The following ZNF185 variants were observed in gnomAD, a reference collection of about 807,000 sequenced individuals.
ZNF185 encodes the protein zinc finger protein 185 with LIM domain.
In ZNF185, 56 loss-of-function variants were observed where a neutral mutation model predicts 58.6. That is an observed-to-expected ratio of 0.95 (90% CI 0.77 to 1.19). The LOEUF (loss-of-function observed/expected upper bound fraction) is 1.19. Ranked by LOEUF, ZNF185 falls within the 50% of genes most tolerant of loss-of-function variation. The probability of loss-of-function intolerance (pLI) is 0.00; values close to 1 mark genes in which losing one functional copy is unlikely to be tolerated. For synonymous variants in ZNF185, 230 were observed against 215.9 expected, an observed-to-expected ratio of 1.07 and a Z score of -0.57; for missense variants, 627 against 573.5, an observed-to-expected ratio of 1.09 and a Z score of -0.95.
chrX:152,949,900 C>T (rs1171961223), intron 16 of ZNF185, among the ~76,000 whole-genome samples: 2 of 111,766 alleles, frequency 1.8e-5, no homozygotes, highest in African/African-American at 6.5e-5. Context: ...AGGGAGAGTA[C>T]GTATGACCCA....
At chrX:152,904,861 C>T in the ZNF185 span, among the ~76,000 whole-genome samples, 1 of 112,171 alleles carries the variant, frequency 8.9e-6, no homozygotes, top group Admixed American at 9.4e-5. Flanking sequence ...GCACTGAAGC[C>T]TACACCTTCC....
chrX:152,955,727 C>T (rs2048750394), intron 16 of ZNF185, among the ~76,000 whole-genome samples: 1 of 111,263 alleles, frequency 9.0e-6, no homozygotes, highest in African/African-American at 3.3e-5. Flanking sequence ...CATGGTGAAA[C>T]CCTGTCTCTA....
intron 20 of ZNF185, 35 bp from the exon 23 acceptor site, chrX:152,969,347 G>A (rs1556917014): frequency 8.8e-7 from 1 of 1,140,700 alleles, no homozygotes; most frequent in South Asian, 1.9e-5. Context: ...CTGTACACCA[G>A]CCTGACCACC....
At chrX:152,955,874 C>T (rs1486997376) in intron 16 of ZNF185, among the ~76,000 whole-genome samples, 3 of 109,029 alleles carry the variant, frequency 2.8e-5, no homozygotes, top group African/African-American at 1.0e-4. Context: ...TGCACTCCAG[C>T]CTGGTGACAG....
intron 14 of ZNF185, among the ~76,000 whole-genome samples, chrX:152,937,585 C>G (rs1244109287): frequency 8.9e-6 from 1 of 111,839 alleles, no homozygotes; most frequent in Non-Finnish European, 1.9e-5. Context: ...TGAGCCAAGC[C>G]CCAAGAGACA....
At chrX:152,907,185 C>T in the ZNF185 span, among the ~76,000 whole-genome samples, 220 of 112,103 alleles carry the variant, frequency 2.0e-3, 1 homozygote, top group Middle Eastern at 4.6e-3. Context: ...CATCTCCTCA[C>T]GCTCCAGCAC....
intron 21 of ZNF185, among the ~76,000 whole-genome samples, chrX:152,970,069 T>C (rs1022050698): frequency 4.5e-5 from 5 of 111,140 alleles, no homozygotes; most frequent in African/African-American, 1.6e-4. Flanking sequence ...CTTTGCTTGC[T>C]CCTGGTTAAG....
At chrX:152,938,201 G>A in intron 15 of ZNF185, 38 bp downstream of exon 17, 6 of 1,138,560 alleles carry the variant, frequency 5.3e-6, no homozygotes, top group Non-Finnish European at 7.1e-6. Context: ...TTCTGGGGTG[G>A]AGAGAGGCAG....
In ZNF185 at chrX:152,924,601, A is replaced by G. The variant is rs553171609; in HGVS notation, c.830+1792A>G. On this transcript the variant is annotated intron_variant, in intron 11 of 22. Transcript: ENST00000449285. The stretch of plus-strand genomic sequence containing the variant: ...GTGGCACAAGTCAGCCCATAACAGT[A>G]TACAGTTCTCATTTCTCCTTATTTC... Among the ~76,000 whole-genome samples the G allele has an allele frequency of 1.7e-4, 19 of 112,335 alleles. No homozygotes were observed. The South Asian group carries it at 6.7e-3, about 39-fold the overall frequency.
chrX:152,902,291 C>T, the ZNF185 span, among the ~76,000 whole-genome samples: 7 of 112,321 alleles, frequency 6.2e-5, no homozygotes, highest in African/African-American at 1.3e-4. Flanking sequence ...AGGCCCAGCT[C>T]GGGCACCCAG....
chrX:152,936,876 G>T (rs1386125816), intron 14 of ZNF185, among the ~76,000 whole-genome samples: 2 of 110,419 alleles, frequency 1.8e-5, no homozygotes, highest in Non-Finnish European at 3.8e-5. Context: ...AGGAGTCAGG[G>T]AGAAGATTCC....
At chrX:152,914,626 C>A in intron 1 of ZNF185, 84 bp from the exon 3 acceptor site, 1 of 1,164,985 alleles carries the variant, frequency 8.6e-7, no homozygotes, top group Non-Finnish European at 1.1e-6. Context: ...AAAGGGAGAG[C>A]AGCATACTGG....
In ZNF185 at chrX:152,945,445, C is replaced by T. The variant is rs938366511; in HGVS notation, c.1390C>T (p.Arg464Ter). 14 of 1,201,602 alleles carry T rather than the reference C, an allele frequency of 1.2e-5. No individual in the cohort carries two copies. Among genetic ancestry groups the T allele is most frequent in the Non-Finnish European group, 1.5e-5 (13 of 890,775 alleles). The change falls in exon 16 of 23, where the codon CGA becomes TGA. Residue 464 changes from arginine to a stop codon, truncating the protein, a stop_gained. Transcript: ENST00000449285. LOFTEE classifies it high-confidence loss of function. Reference sequence around the variant, plus strand: ...CAGCGGATCTGAGCAACTTGTCAGACGAGAGAGTTGTGGCAGCAGGTAAGG... The same window carrying T: ...CAGCGGATCTGAGCAACTTGTCAGATGAGAGAGTTGTGGCAGCAGGTAAGG...
At chrX:152,959,535 T>A (rs782153424) in intron 16 of ZNF185, among the ~76,000 whole-genome samples, 164 bp from the exon 19 acceptor site, 1 of 112,148 alleles carries the variant, frequency 8.9e-6, no homozygotes, top group Non-Finnish European at 1.9e-5. Flanking sequence ...AGGAGGAGAC[T>A]GACTGCTCCT....
At chrX:152,919,674 A>G (rs367572737) in intron 7 of ZNF185, among the ~76,000 whole-genome samples, 1 of 112,495 alleles carries the variant, frequency 8.9e-6, no homozygotes, top group Non-Finnish European at 1.9e-5. Context: ...GAACTATGAC[A>G]GGAAGGGTTT....
At chrX:152,901,966 C>T in the ZNF185 span, among the ~76,000 whole-genome samples, 2 of 112,295 alleles carry the variant, frequency 1.8e-5, no homozygotes, top group Non-Finnish European at 3.8e-5. Flanking sequence ...TTCAGAAACA[C>T]GGTCTAGGCT....
At chrX:152,925,545 G>C (rs1205147623) in intron 11 of ZNF185, among the ~76,000 whole-genome samples, 2 of 111,833 alleles carry the variant, frequency 1.8e-5, no homozygotes, top group Admixed American at 9.5e-5. Flanking sequence ...GCTTCTGATA[G>C]TTCTTTCCTC....
At chrX:152,922,109 T>G in intron 9 of ZNF185, 64 bp from the exon 11 acceptor site, 1 of 1,093,347 alleles carries the variant, frequency 9.1e-7, no homozygotes, top group Non-Finnish European at 1.2e-6. Flanking sequence ...GCATGTTCTT[T>G]GAGGCCTCCA....
rs1037636529 is a variant in ZNF185, at chrX:152,917,470, G to A, written c.341+108G>A. The A allele has an allele frequency of 1.6e-5, 15 of 965,449 alleles. No homozygotes were observed. In the Admixed American group the frequency reaches 3.4e-4, roughly 22 times the overall value. 79.6% of individuals were successfully genotyped at this position (965,449 alleles called of 1,213,427 possible). The stretch of plus-strand genomic sequence containing the variant: ...CCTATCAGGACTGTGGGGCCTTGGA[G>A]GTGCCAGCTTTCATCCTGGGTAGGG... On this transcript the variant is annotated intron_variant, in intron 5 of 22. Coordinates refer to ENST00000449285, the Ensembl canonical transcript of ZNF185.
Sources: gnomAD v4.1 joint callset for allele counts (sites outside exome capture counted in the v4.1 genomes callset) on GRCh38, gnomAD v4.1.1 for gene constraint, MANE v1.5 for transcripts, NCBI Gene and HGNC (gene_info 2026-07-23, HGNC 2026-07-21) for gene names.